The following NCOR1 variants were observed in gnomAD, a reference collection of about 807,000 sequenced individuals.
NCOR1 encodes nuclear receptor corepressor 1.
In NCOR1, 63 loss-of-function variants were observed where a neutral mutation model predicts 288.1. The observed-to-expected ratio is 0.22, with a 90% CI of 0.18 to 0.27. The LOEUF is 0.27. Among genes scored for constraint, NCOR1 ranks in the 10% least tolerant of loss-of-function variants. The probability of loss-of-function intolerance (pLI) is 1.00; values close to 1 mark genes in which losing one functional copy is unlikely to be tolerated. For synonymous variants in NCOR1, 1,007 were observed against 1,065.9 expected (o/e 0.94, Z 1.08); for missense variants, 2,397 against 3,019.2 (o/e 0.79, Z 4.83).
intron 2 of NCOR1, among the ~76,000 whole-genome samples, chr17:16,192,425 G>A (rs1190591051): frequency 2.6e-5 from 4 of 152,242 alleles, no homozygotes; most frequent in Admixed American, 6.5e-5. Flanking sequence ...GAAGGCCGAG[G>A]AGGGTGGATC....
At chr17:16,152,425 C>A (rs1271743360) in intron 7 of NCOR1, among the ~76,000 whole-genome samples, 1 of 150,992 alleles carries the variant, frequency 6.6e-6, no homozygotes, top group South Asian at 2.1e-4. Context: ...GTCCTTGCGA[C>A]AGTTTGCTCA....
chr17:16,149,511 C>A lies in NCOR1; in HGVS notation c.849G>T (p.Gln283His). The A allele has an allele frequency of 6.6e-7, 1 of 1,515,526 alleles. No individual in the cohort carries two copies. The highest frequency in any genetic ancestry group is 2.4e-5 in the East Asian group (1 of 41,374). The allele number at this position is 1,515,526 out of a possible 1,614,324, so 93.9% of individuals were successfully genotyped here. A position where few individuals can be genotyped will look rare whatever the true frequency, so the allele number is the denominator to read the frequency against. ...KVYHENIKTN[Q>H]VMRKKLILFF... ...ATAAAATGAGTTTTTTCCTCATCAC[C>A]TGGTTTCTAGAAGAGAAAAATATGG... Residue 283 changes from glutamine to histidine, a missense_variant, in exon 9 of 46, where the codon CAG (glutamine) becomes CAT (histidine). By Grantham distance (24) the Gln-to-His change is conservative. Around this residue, in one of 11 missense-constraint regions of NCOR1, gnomAD observed 76 missense variants for 102.2 expected, o/e 0.74. Coordinates refer to ENST00000268712, the MANE Select transcript of NCOR1 (RefSeq NM_006311.4).
intron 40 of NCOR1, among the ~76,000 whole-genome samples, chr17:16,052,061 T>C (rs1439099766): frequency 6.6e-6 from 1 of 151,786 alleles, no homozygotes; most frequent in Non-Finnish European, 1.5e-5. Flanking sequence ...CAGGCTGGAG[T>C]GCGGTGGCGC....
intron 11 of NCOR1, among the ~76,000 whole-genome samples, chr17:16,141,235 T>C (rs573738250): frequency 1.3e-5 from 2 of 152,128 alleles, no homozygotes; most frequent in Non-Finnish European, 2.9e-5. Flanking sequence ...CTGAAAAGCT[T>C]GAGTGTGGGA....
chr17:16,107,520 C>A (rs182633361), intron 19 of NCOR1, among the ~76,000 whole-genome samples: 2 of 152,188 alleles, frequency 1.3e-5, no homozygotes, highest in Non-Finnish European at 2.9e-5. Context: ...TGACCTTGCA[C>A]GTACAGCCTC....
At chr17:16,127,641 ATGTGTATG>A (rs1833550089) in intron 14 of NCOR1, among the ~76,000 whole-genome samples, 3 of 144,930 alleles carry the variant, frequency 2.1e-5, no homozygotes, top group South Asian at 4.2e-4. Context: ...ATATGTATAT[ATGTGTATG>A]TGTATATATA....
intron 1 of NCOR1, among the ~76,000 whole-genome samples, chr17:16,202,706 G>A (rs2090994143): frequency 6.6e-6 from 1 of 152,082 alleles, no homozygotes; most frequent in Non-Finnish European, 1.5e-5. Flanking sequence ...ACTTCCTCAA[G>A]CTATGTTTTT....
At chr17:16,129,435 C>A (rs1049506683) in intron 14 of NCOR1, among the ~76,000 whole-genome samples, 2 of 152,216 alleles carry the variant, frequency 1.3e-5, no homozygotes, top group Non-Finnish European at 2.9e-5. Flanking sequence ...CTTTATCTGA[C>A]CTTCCTAACT....
intron 17 of NCOR1, 90 bp downstream of exon 17, chr17:16,119,333 C>T: frequency 2.1e-6 from 2 of 947,586 alleles, no homozygotes; most frequent in Non-Finnish European, 3.2e-6. Flanking sequence ...ATTTTTTTTC[C>T]AATTAAAACA....
rs1463550066 is a variant in NCOR1 at position 16,086,308 on chromosome 17, A to G, written c.3151T>C (p.Phe1051Leu). 1.2e-6 allele frequency: 2 copies of G among 1,614,084 alleles called. No homozygotes were observed. Among genetic ancestry groups the G allele is most frequent in the South Asian group, 2.2e-5 (2 of 91,078 alleles). ...TGTGAGATGGAGCCTCCCATTATAA[A>G]AGATGGTTTTTCTGAAGCCACTGTG... ...KTTVASEKPS[F>L]IMGGSISQGT... is the part of the protein sequence containing the mutation. Residue 1051 changes from phenylalanine to leucine, a missense_variant, in exon 23 of 46, where the codon TTT becomes CTT. Coordinates refer to ENST00000268712, the MANE Select transcript of NCOR1 (RefSeq NM_006311.4).
intron 22 of NCOR1, among the ~76,000 whole-genome samples, chr17:16,089,260 A>G (rs1274471683): frequency 2.0e-5 from 3 of 152,150 alleles, no homozygotes; most frequent in African/African-American, 7.2e-5. Context: ...TCAGTTACAT[A>G]GAAGCATTAA....
At chr17:16,074,584 A>G (rs1396363715) in intron 27 of NCOR1, among the ~76,000 whole-genome samples, 1 of 152,206 alleles carries the variant, frequency 6.6e-6, no homozygotes, top group African/African-American at 2.4e-5. Context: ...AGCATTTTGC[A>G]GCATCTGGCA....
intron 6 of NCOR1, among the ~76,000 whole-genome samples, chr17:16,154,024 T>C (rs1017080695): frequency 1.4e-4 from 20 of 139,422 alleles, no homozygotes; most frequent in Admixed American, 1.3e-3. Flanking sequence ...CCTTTTTTTT[T>C]TTTTTTTTTT....
rs755037174 is a variant in NCOR1 at position 16,061,854 on chromosome 17, G to A, written c.5428C>T (p.Pro1810Ser). ...AGGPSISQGL[P>S]ASRYNTAADA... ...GCAGCAGTGTTGTAACGGGAGGCTG[G>A]CAGGCCTTGGCTTATTGAAGGGCCC... Residue 1810 changes from proline (P) to serine (S), a missense_variant, in exon 37 of 46, where the codon CCA becomes TCA. This residue lies in a region of NCOR1 where 1,872 missense variants were observed against 2,187.8 expected (regional missense o/e 0.86). Coordinates refer to ENST00000268712, the MANE Select transcript of NCOR1 (RefSeq NM_006311.4). The A allele has an allele frequency of 6.2e-7, 1 of 1,613,172 alleles. No homozygotes were observed.
chr17:16,143,187 T>C (rs2077390248), intron 11 of NCOR1, among the ~76,000 whole-genome samples: 1 of 152,202 alleles, frequency 6.6e-6, no homozygotes. Flanking sequence ...TTTGCTACTT[T>C]AGGAAACGGC....
rs77765103 is a variant in NCOR1 at position 16,125,897 on chromosome 17, G to T, written c.1634+185C>A. Among the ~76,000 whole-genome samples the T allele has an allele frequency of 6.4e-3, 965 of 151,944 alleles. 18 individuals carry two copies. The highest frequency in any genetic ancestry group is 0.022 in the African/African-American group (897 of 41,438). On this transcript the variant is annotated intron_variant, in intron 15 of 45. Coordinates refer to ENST00000268712, the MANE Select transcript of NCOR1 (RefSeq NM_006311.4). ...ACTAGAGATTCAAACAGGTGAGAGG[G>T]TGCGAGGGGGTGGGTGAGGTATAAT...
Position 16,149,465 on chromosome 17 carries a change from C to A in NCOR1, c.895G>T (p.Ala299Ser). 6.4e-7 allele frequency: 1 copy of A among 1,562,538 alleles called. No homozygotes were observed. Among genetic ancestry groups the A allele is most frequent in the Non-Finnish European group, 8.7e-7 (1 of 1,146,292 alleles). ...LILFFKRRNH[A>S]RKQREQKICQ... ...TAGGACCTCACCCTTTGTTTTCTTG[C>A]ATGATTTCTTCTTTTAAAAAATAAA... is the stretch of plus-strand genomic sequence containing the variant. The change falls in exon 9 of 46, where the codon GCA (alanine) becomes TCA (serine). Residue 299 changes from alanine (A) to serine (S), a missense_variant. Physicochemically the swap from Ala to Ser is moderately conservative, Grantham distance 99. Around this residue, in one of 11 missense-constraint regions of NCOR1, gnomAD observed 51 missense variants for 127.6 expected, o/e 0.40. Transcript: ENST00000268712.
At chr17:16,134,969 C>T (rs2076175616) in intron 14 of NCOR1, among the ~76,000 whole-genome samples, 2 of 152,022 alleles carry the variant, frequency 1.3e-5, no homozygotes, top group African/African-American at 4.8e-5. Context: ...ACCATCCTGA[C>T]TAACACGGTG....
intron 8 of NCOR1, among the ~76,000 whole-genome samples, chr17:16,151,155 T>C (rs1320873483): frequency 6.6e-6 from 1 of 151,878 alleles, no homozygotes; most frequent in Non-Finnish European, 1.5e-5. Flanking sequence ...ATCACATTTT[T>C]GTCACAAACT....
Sources: allele counts gnomAD v4.1 joint callset (sites outside exome capture counted in the v4.1 genomes callset), GRCh38; gene constraint gnomAD v4.1.1; regional missense constraint gnomAD v4.1.1; transcripts MANE v1.5; gene names NCBI Gene and HGNC (gene_info 2026-07-23, HGNC 2026-07-21).